FAM47E: variants seen among roughly 807,000 people sequenced by gnomAD.
FAM47E encodes the protein family with sequence similarity 47 member E, also known as protein FAM47E.
FAM47E carries 32 observed loss-of-function variants against 41.6 expected under a neutral mutation model. That is an observed-to-expected ratio of 0.77 (90% confidence interval 0.58 to 1.03). The LOEUF (loss-of-function observed/expected upper bound fraction) is 1.03. Ranked by LOEUF, FAM47E falls within the 50% of genes least tolerant of loss-of-function variation. The probability of loss-of-function intolerance (pLI) is 0.00; values close to 1 mark genes in which losing one functional copy is unlikely to be tolerated. For missense variants in FAM47E, 424 were observed against 485.4 expected (o/e 0.87, Z 1.19); for synonymous variants, 184 against 188.7 (o/e 0.98, Z 0.20).
rs138265052 is a variant in FAM47E, at chr4:76,263,994, G to A, written c.560+151G>A. ...AAGAGGGAAAGGAGTCCTAGGTACC[G>A]CTCTAAATAGTGCTTATTTCTTCAA... is the stretch of plus-strand genomic sequence containing the variant. On this transcript the variant is annotated intron_variant, in intron 3 of 7. Transcript: ENST00000424749. 11 of 757,170 alleles carry A rather than the reference G, an allele frequency of 1.5e-5. No homozygotes were observed. In the East Asian group the frequency reaches 5.2e-4, roughly 36 times the overall value. The allele number at this position is 757,170 out of a possible 1,614,324, so 46.9% of individuals were successfully genotyped here.
chr4:76,268,837 C>T (rs1242152719), intron 4 of FAM47E, 69 bp downstream of exon 4: 4 of 1,516,404 alleles, frequency 2.6e-6, no homozygotes, highest in Middle Eastern at 1.7e-4. Context: ...AATATTTAAA[C>T]CTACTTTTAA....
intron 2 of FAM47E, among the ~76,000 whole-genome samples, chr4:76,231,858 A>G (rs1323174741): frequency 1.3e-5 from 2 of 152,216 alleles, no homozygotes; most frequent in Non-Finnish European, 2.9e-5. Context: ...TGTGTAAACA[A>G]GGGTATGAGG....
intron 2 of FAM47E, among the ~76,000 whole-genome samples, chr4:76,229,118 AT>A (rs1733450378): frequency 6.6e-6 from 1 of 151,776 alleles, no homozygotes; most frequent in Admixed American, 6.6e-5. Flanking sequence ...TACTTGTTCT[AT>A]TGTTGACTTT....
upstream of FAM47E, among the ~76,000 whole-genome samples, chr4:76,248,833 G>A (rs1733889329): frequency 3.3e-5 from 5 of 151,464 alleles, no homozygotes; most frequent in South Asian, 1.0e-3. Flanking sequence ...AAGGTGAAAT[G>A]TATTAAATAC....
At chr4:76,217,856 C>T (rs948297067) in intron 2 of FAM47E, among the ~76,000 whole-genome samples, 1 of 152,068 alleles carries the variant, frequency 6.6e-6, no homozygotes, top group South Asian at 2.1e-4. Context: ...TGCAATCATT[C>T]GGGACTTAGA....
chr4:76,280,549 G>T (rs1021287631), intron 7 of FAM47E: 7 of 457,188 alleles, frequency 1.5e-5, no homozygotes, highest in Non-Finnish European at 2.3e-5. Flanking sequence ...CTGCCTATTT[G>T]GTTTCTGCTA....
At chr4:76,233,117 T>C (rs1733521118) in intron 2 of FAM47E, among the ~76,000 whole-genome samples, 1 of 152,238 alleles carries the variant, frequency 6.6e-6, no homozygotes, top group Non-Finnish European at 1.5e-5. Context: ...CTTACACACC[T>C]TGCATGTAAA....
upstream of FAM47E, among the ~76,000 whole-genome samples, chr4:76,248,343 A>G (rs906603226): frequency 8.5e-5 from 13 of 152,054 alleles, no homozygotes; most frequent in African/African-American, 3.1e-4. Context: ...GCCAAATTCA[A>G]AATTGTGCAG....
chr4:76,240,485 C>A (rs1470539447), intron 2 of FAM47E, among the ~76,000 whole-genome samples: 1 of 151,740 alleles, frequency 6.6e-6, no homozygotes, highest in East Asian at 1.9e-4. Flanking sequence ...ATCTCTTTGC[C>A]CCTTTCTCTT....
chr4:76,217,650 C>T lies in FAM47E; in HGVS notation c.43C>T (p.His15Tyr), dbSNP rs768429191. 11 of 654,018 alleles carry T rather than the reference C, an allele frequency of 1.7e-5. No individual in the cohort carries two copies. The Middle Eastern group carries it at 7.2e-4, about 43-fold the overall frequency. 40.5% of individuals were successfully genotyped at this position (654,018 alleles called of 1,614,324 possible). ...GTGCGTCTTGTCCAGCCTGCAGAACCATGAGCCAAATAAACCTCTTTTCAC... is the reference window on the plus strand; with the variant it reads ...GTGCGTCTTGTCCAGCCTGCAGAACTATGAGCCAAATAAACCTCTTTTCAC... Residue 15 changes from histidine to tyrosine, a missense_variant, in exon 2 of 8, where the codon CAT (histidine) becomes TAT (tyrosine). Physicochemically the swap from His to Tyr is moderately conservative, Grantham distance 83. Transcript: ENST00000510197.
intron 1 of FAM47E, among the ~76,000 whole-genome samples, chr4:76,252,212 AG>A (rs1340555194): frequency 6.6e-6 from 1 of 152,070 alleles, no homozygotes; most frequent in Non-Finnish European, 1.5e-5. Flanking sequence ...ATCCGATGTT[AG>A]GCATCTGCTG....
chr4:76,283,546 T>C lies in FAM47E; in HGVS notation c.*88T>C, dbSNP rs1735449077. 1 of 804,582 alleles carries C rather than the reference T, an allele frequency of 1.2e-6. No homozygotes were observed. Among genetic ancestry groups the C allele is most frequent in the African/African-American group, 1.7e-5 (1 of 58,100 alleles). The allele number at this position is 804,582 out of a possible 1,614,324, so 49.8% of individuals were successfully genotyped here. A position where few individuals can be genotyped will look rare whatever the true frequency, so the allele number is the denominator to read the frequency against. On this transcript the variant is annotated 3_prime_UTR_variant, in exon 8 of 8. Transcript: ENST00000424749. ...CCTTTTAAAGATTAAACAGAGTTTA[T>C]GATGAGTGTCCCACTGTGGATGTTC...
At chr4:76,266,877 A>G (rs1441018522) in intron 3 of FAM47E, among the ~76,000 whole-genome samples, 1 of 152,168 alleles carries the variant, frequency 6.6e-6, no homozygotes, top group Non-Finnish European at 1.5e-5. Flanking sequence ...CTCTTTGCAC[A>G]TGCCATTCTT....
intron 2 of FAM47E, among the ~76,000 whole-genome samples, chr4:76,243,967 C>A (rs978983007): frequency 1.3e-5 from 2 of 152,104 alleles, no homozygotes; most frequent in Non-Finnish European, 2.9e-5. Flanking sequence ...TGTTCAACTC[C>A]CACTTATGAG....
intron 1 of FAM47E, among the ~76,000 whole-genome samples, chr4:76,254,139 A>C (rs1734089244): frequency 6.6e-6 from 1 of 151,920 alleles, no homozygotes; most frequent in Non-Finnish European, 1.5e-5. Context: ...AAAAAAAAAA[A>C]AAAAACAGAA....
rs551468268 is a variant in FAM47E at position 76,261,001 on chromosome 4, A to G, written c.421-2703A>G. Among the ~76,000 whole-genome samples the G allele has an allele frequency of 9.9e-5, 15 of 152,022 alleles. No individual in the cohort carries two copies. The East Asian group carries it at 2.7e-3, about 27-fold the overall frequency. Reference sequence around the variant, plus strand: ...CCTGTCTCAAAAAAAAAAAAAGTGTACAAAGGACATGAACAGCCACTTCTC... The same window carrying G: ...CCTGTCTCAAAAAAAAAAAAAGTGTGCAAAGGACATGAACAGCCACTTCTC... On this transcript the variant is annotated intron_variant, in intron 2 of 7. Transcript: ENST00000424749.
intron 1 of FAM47E, among the ~76,000 whole-genome samples, chr4:76,253,188 T>C (rs1734044549): frequency 6.6e-6 from 1 of 152,168 alleles, no homozygotes; most frequent in Non-Finnish European, 1.5e-5. Flanking sequence ...TCCATCCAAG[T>C]TGTGTGTATC....
rs1303433783 is a variant in FAM47E, at chr4:76,263,654, CCTT to C, written c.421-45_421-43del. 8 of 1,536,856 alleles carry C rather than the reference CCTT, an allele frequency of 5.2e-6. No individual in the cohort carries two copies. In the Admixed American group the frequency reaches 1.2e-4, roughly 24 times the overall value. On this transcript the variant is annotated intron_variant, in intron 2 of 7. Coordinates refer to ENST00000424749, the MANE Select transcript of FAM47E (RefSeq NM_001136570.3). ...CTGTTTTGTTGTAGAATGGGGACTC[CCTT>C]CTTCAGCATGTTTTTCTTTTCCTCT...
At chr4:76,214,385 CA>C in exon 1 of FAM47E, 5 of 424,604 alleles carry the variant, frequency 1.2e-5, no homozygotes, top group East Asian at 7.6e-5. Context: ...GGAAGATGTG[CA>C]AAAAAGGGAG....
Sources: gnomAD v4.1 joint callset for allele counts (sites outside exome capture counted in the v4.1 genomes callset) on GRCh38, gnomAD v4.1.1 for gene constraint, MANE v1.5 for transcripts, NCBI Gene and HGNC (gene_info 2026-07-23, HGNC 2026-07-21) for gene names.